Variants in DENND1B observed in about 807,000 individuals in gnomAD.
The protein encoded by DENND1B is DENN domain containing 1B, also known as DENN domain-containing protein 1B.
Under a neutral mutation model 90.1 loss-of-function variants are expected in DENND1B, and 59 were observed. The ratio of observed to expected loss-of-function variants is 0.65; its 90% CI spans 0.53 to 0.81. The LOEUF (loss-of-function observed/expected upper bound fraction) is 0.81, where lower values mean the gene tolerates loss of function less well. Ranked by LOEUF, DENND1B falls within the 40% of genes least tolerant of loss-of-function variation. DENND1B has a pLI of 0.00. For missense variants in DENND1B, 862 were observed against 912.6 expected (o/e 0.94, Z 0.71); for synonymous variants, 337 against 324.6 (o/e 1.04, Z -0.41).
At chr1:197,708,059 C>T (rs1659787956) in intron 3 of DENND1B, among the ~76,000 whole-genome samples, 1 of 146,220 alleles carries the variant, frequency 6.8e-6, no homozygotes, top group African/African-American at 2.5e-5. Flanking sequence ...ATATCCCACA[C>T]CTGGCTCAGA....
intron 3 of DENND1B, 30 bp from the exon 4 acceptor site, chr1:197,674,199 T>G (rs1553322052): frequency 1.3e-6 from 2 of 1,509,314 alleles, no homozygotes. Context: ...AAAAAAGAAA[T>G]AAGTTTTAGA....
chr1:197,739,364 A>G (rs572630761), intron 2 of DENND1B, among the ~76,000 whole-genome samples: 1 of 152,366 alleles, frequency 6.6e-6, no homozygotes, highest in East Asian at 1.9e-4. Context: ...TATGGGACAT[A>G]TACGAGAAGA....
chr1:197,694,496 T>C (rs1392855922), intron 3 of DENND1B, among the ~76,000 whole-genome samples: 1 of 151,422 alleles, frequency 6.6e-6, no homozygotes, highest in African/African-American at 2.4e-5. Flanking sequence ...CATGTTATAT[T>C]TATGTTTTTT....
intron 5 of DENND1B, among the ~76,000 whole-genome samples, chr1:197,666,681 G>A (rs989010880): frequency 6.6e-6 from 1 of 152,158 alleles, no homozygotes; most frequent in Non-Finnish European, 1.5e-5. Flanking sequence ...CTCAGAAAAT[G>A]AGCATAGTTG....
At chr1:197,522,631 C>A (rs1668854108) in intron 20 of DENND1B, among the ~76,000 whole-genome samples, 1 of 152,078 alleles carries the variant, frequency 6.6e-6, no homozygotes, top group Admixed American at 6.6e-5. Flanking sequence ...ATCACTTCCA[C>A]TTCAACTTAG....
intron 2 of DENND1B, among the ~76,000 whole-genome samples, chr1:197,762,142 G>A (rs1273669474): frequency 6.6e-6 from 1 of 152,066 alleles, no homozygotes; most frequent in East Asian, 1.9e-4. Context: ...ATCTACAAGA[G>A]ATTCAAAGAG....
intron 3 of DENND1B, among the ~76,000 whole-genome samples, chr1:197,708,142 G>T: frequency 9.9e-6 from 1 of 100,900 alleles, no homozygotes. Context: ...GCGGCAACGA[G>T]GCTGGGGGAG....
At chr1:197,766,088 AAC>A (rs1410736036) in intron 2 of DENND1B, among the ~76,000 whole-genome samples, 5 of 152,156 alleles carry the variant, frequency 3.3e-5, no homozygotes, top group African/African-American at 4.8e-5. Flanking sequence ...CAAAAGAAAA[AAC>A]AGTTTCATTT....
upstream of DENND1B, among the ~76,000 whole-genome samples, chr1:197,775,853 A>T (rs2102532571): frequency 6.6e-6 from 1 of 152,240 alleles, no homozygotes; most frequent in Non-Finnish European, 1.5e-5. Flanking sequence ...CTTTCATTTC[A>T]TACTACAAAT....
At position 197,558,158 on chromosome 1, in the gene DENND1B, G is replaced by A. The variant is rs1358546334; in HGVS notation, c.1150-5046C>T. On this transcript the variant is annotated intron_variant, in intron 15 of 22. Coordinates refer to ENST00000620048, the MANE Select transcript of DENND1B (RefSeq NM_001195215.2). ...AGAACTTAAGAATTTGCTTTAAGAT[G>A]ATGCTTTTATATAAATCTTAATATT... 2.6e-5 allele frequency among the ~76,000 whole-genome samples: 4 copies of A among 151,748 alleles called. No homozygotes were observed. The East Asian group carries it at 7.8e-4, about 29-fold the overall frequency.
At chr1:197,672,239 T>C (rs1655585451) in intron 4 of DENND1B, 83 bp from the exon 5 acceptor site, 2 of 1,443,304 alleles carry the variant, frequency 1.4e-6, no homozygotes, top group Non-Finnish European at 1.9e-6. Flanking sequence ...TATATTTATA[T>C]GTGACATTGG....
intron 16 of DENND1B, among the ~76,000 whole-genome samples, chr1:197,550,175 A>G (rs1671109856): frequency 2.0e-5 from 3 of 152,120 alleles, no homozygotes; most frequent in Non-Finnish European, 4.4e-5. Context: ...CTAGGACTTC[A>G]TGTGTAAAAA....
intron 16 of DENND1B, among the ~76,000 whole-genome samples, chr1:197,551,570 T>C (rs1671246047): frequency 6.6e-6 from 1 of 152,128 alleles, no homozygotes; most frequent in East Asian, 1.9e-4. Flanking sequence ...GCCACCTATC[T>C]CTACTCTATT....
At chr1:197,671,589 A>T (rs887559969) in intron 5 of DENND1B, among the ~76,000 whole-genome samples, 2 of 152,168 alleles carry the variant, frequency 1.3e-5, no homozygotes, top group Admixed American at 6.6e-5. Context: ...TAAAATTTTT[A>T]AAACACCCAG....
intron 1 of DENND1B, among the ~76,000 whole-genome samples, chr1:197,773,914 ACTTC>A (rs1656926239): frequency 6.6e-6 from 1 of 152,214 alleles, no homozygotes; most frequent in Non-Finnish European, 1.5e-5. Context: ...TTTAATATGT[ACTTC>A]CTTCAAGAAA....
rs1275977018 is a variant in DENND1B at position 197,508,006 on chromosome 1, T to C, written c.*2454A>G. ...TTAAATACCTTGAGACAATTATTTA[T>C]GAGTGGCTAAATATCCTCAAAGCAA... On this transcript the variant is annotated 3_prime_UTR_variant, in exon 23 of 23. Transcript: ENST00000620048. 1 of 151,656 alleles carries C rather than the reference T, an allele frequency of 6.6e-6. No homozygotes were observed. Among genetic ancestry groups the C allele is most frequent in the Non-Finnish European group, 1.5e-5 (1 of 67,746 alleles). 9.4% of individuals were successfully genotyped at this position (151,656 alleles called of 1,614,324 possible).
chr1:197,735,527 T>C (rs982722732), intron 2 of DENND1B: 4 of 1,611,164 alleles, frequency 2.5e-6, no homozygotes, highest in Admixed American at 3.3e-5. Context: ...TAGTGTGAAC[T>C]ATGAAACATT....
intron 2 of DENND1B, among the ~76,000 whole-genome samples, chr1:197,743,840 C>A (rs182330732): frequency 6.2e-4 from 95 of 152,238 alleles, no homozygotes; most frequent in African/African-American, 2.2e-3. Flanking sequence ...GGAGTCAGTC[C>A]TCTCAAACCC....
At chr1:197,752,189 T>C (rs1421293545) in intron 2 of DENND1B, among the ~76,000 whole-genome samples, 2 of 151,980 alleles carry the variant, frequency 1.3e-5, no homozygotes, top group Non-Finnish European at 2.9e-5. Flanking sequence ...TTATTAATAT[T>C]GGAAGAAAAG....
Sources: gnomAD v4.1 joint callset for allele counts (sites outside exome capture counted in the v4.1 genomes callset) on GRCh38, gnomAD v4.1.1 for gene constraint, MANE v1.5 for transcripts, NCBI Gene and HGNC (gene_info 2026-07-23, HGNC 2026-07-21) for gene names.